The following CFAP210 variants were observed in gnomAD, a reference collection of about 807,000 sequenced individuals.
CFAP210 encodes the protein cilia- and flagella- associated protein 210.
the CFAP210 span, among the ~76,000 whole-genome samples, chr2:169,655,367 ATATATT>A: frequency 6.6e-6 from 1 of 152,172 alleles, no homozygotes; most frequent in African/African-American, 2.4e-5. Context: ...TAATCTTCCA[ATATATT>A]TATAACTCAG....
At chr2:169,672,767 C>T in the CFAP210 span, among the ~76,000 whole-genome samples, 3 of 152,156 alleles carry the variant, frequency 2.0e-5, no homozygotes, top group Non-Finnish European at 2.9e-5. Context: ...CTTCTTCTCC[C>T]AGACCACTGA....
the CFAP210 span, among the ~76,000 whole-genome samples, chr2:169,685,519 T>C: frequency 1.3e-5 from 2 of 152,186 alleles, no homozygotes; most frequent in Admixed American, 6.5e-5. Context: ...TTAGCATATA[T>C]ATAATTTACA....
At chr2:169,692,017 T>G in the CFAP210 span, among the ~76,000 whole-genome samples, 1 of 152,230 alleles carries the variant, frequency 6.6e-6, no homozygotes, top group Non-Finnish European at 1.5e-5. Flanking sequence ...TACAACTCCA[T>G]CTTAGCCTCT....
chr2:169,687,156 G>A, the CFAP210 span, among the ~76,000 whole-genome samples: 1 of 152,110 alleles, frequency 6.6e-6, no homozygotes, highest in Non-Finnish European at 1.5e-5. Context: ...CAACGTGTAG[G>A]AATTCTGGGA....
At chr2:169,656,366 GAAGA>G in the CFAP210 span, among the ~76,000 whole-genome samples, 20,889 of 148,162 alleles carry the variant, frequency 0.14, 1,544 homozygotes, top group Middle Eastern at 0.2. Context: ...GAAAAAGGAA[GAAGA>G]AAGAGGAAAG....
At chr2:169,688,314 T>C in the CFAP210 span, among the ~76,000 whole-genome samples, 3 of 152,372 alleles carry the variant, frequency 2.0e-5, no homozygotes, top group African/African-American at 7.2e-5. Flanking sequence ...TCTTTTCTAT[T>C]GCATAGTCAG....
At chr2:169,664,006 TA>T in the CFAP210 span, among the ~76,000 whole-genome samples, 1 of 116,368 alleles carries the variant, frequency 8.6e-6, no homozygotes, top group Non-Finnish European at 1.8e-5. Context: ...CTGGCCAACA[TA>T]ATGAAACCCC....
At chr2:169,685,648 C>T in the CFAP210 span, among the ~76,000 whole-genome samples, 1 of 151,826 alleles carries the variant, frequency 6.6e-6, no homozygotes, top group Non-Finnish European at 1.5e-5. Flanking sequence ...GTTGATTGTG[C>T]TTTTGGTGTC....
chr2:169,666,346 A>C, the CFAP210 span, among the ~76,000 whole-genome samples: 1 of 151,524 alleles, frequency 6.6e-6, no homozygotes, highest in East Asian at 2.0e-4. Flanking sequence ...GGGAGACAAG[A>C]AAAAACAAAC....
chr2:169,649,931 AAAAATTGCTCC>A, the CFAP210 span, among the ~76,000 whole-genome samples: 2 of 152,020 alleles, frequency 1.3e-5, no homozygotes, highest in African/African-American at 4.8e-5. Context: ...TCAAAAAAAA[AAAAATTGCTCC>A]AATGTGTATA....
the CFAP210 span, among the ~76,000 whole-genome samples, chr2:169,657,437 G>A: frequency 6.6e-6 from 1 of 152,132 alleles, no homozygotes; most frequent in Non-Finnish European, 1.5e-5. Context: ...AAGAAAAATG[G>A]CTGGGCACAG....
At chr2:169,675,087 T>C in the CFAP210 span, 3 of 1,321,884 alleles carry the variant, frequency 2.3e-6, no homozygotes, top group Non-Finnish European at 3.0e-6. Context: ...TTCAATTTAA[T>C]TTTACTACAG....
At chr2:169,669,419 T>C in the CFAP210 span, among the ~76,000 whole-genome samples, 12 of 152,308 alleles carry the variant, frequency 7.9e-5, no homozygotes, top group African/African-American at 2.9e-4. Context: ...AATAATAATA[T>C]GATCAATTTT....
chr2:169,684,540 T>C, the CFAP210 span, among the ~76,000 whole-genome samples: 1 of 152,252 alleles, frequency 6.6e-6, no homozygotes, highest in South Asian at 2.1e-4. Context: ...ACATTTCATG[T>C]GCATGGAATC....
At chr2:169,667,546 A>G in the CFAP210 span, among the ~76,000 whole-genome samples, 1 of 152,126 alleles carries the variant, frequency 6.6e-6, no homozygotes, top group African/African-American at 2.4e-5. Context: ...CTACAGTCTT[A>G]TGAAATGCAT....
chr2:169,660,588 TTA>T, the CFAP210 span, among the ~76,000 whole-genome samples: 12,111 of 140,614 alleles, frequency 0.086, 471 homozygotes, highest in Middle Eastern at 0.12. Flanking sequence ...GTTGCTTATT[TTA>T]TATATATATA....
chr2:169,692,706 A>G, the CFAP210 span, among the ~76,000 whole-genome samples: 1 of 152,330 alleles, frequency 6.6e-6, no homozygotes, highest in South Asian at 2.1e-4. Context: ...TTTGACAAAC[A>G]TACTTGGTGA....
chr2:169,675,280 TGTATTAA>T, the CFAP210 span, among the ~76,000 whole-genome samples: 1 of 152,230 alleles, frequency 6.6e-6, no homozygotes, highest in African/African-American at 2.4e-5. Context: ...CTTCTCCTTT[TGTATTAA>T]TCTGTTCTCA....
the CFAP210 span, chr2:169,654,071 CTA>C: frequency 1.0e-5 from 16 of 1,607,648 alleles, no homozygotes; most frequent in East Asian, 3.6e-4. Context: ...TTATTAAAGC[CTA>C]CCTGTGTGTT....
Sources: allele counts gnomAD v4.1 joint callset (sites outside exome capture counted in the v4.1 genomes callset), GRCh38; gene constraint gnomAD v4.1.1; transcripts MANE v1.5; gene names NCBI Gene and HGNC (gene_info 2026-07-23, HGNC 2026-07-21).